Variants in SLIT2 observed in about 807,000 individuals in gnomAD.
The protein encoded by SLIT2 is slit homolog 2 protein.
Under a neutral mutation model 185.7 loss-of-function variants are expected in SLIT2, and 41 were observed. The ratio of observed to expected loss-of-function variants is 0.22; its 90% confidence interval spans 0.17 to 0.29. SLIT2 has a LOEUF of 0.29. Ranked by LOEUF, SLIT2 falls within the 10% of genes least tolerant of loss-of-function variation. The pLI, the probability that SLIT2 is intolerant of heterozygous loss-of-function variation, is 1.00. For missense variants in SLIT2, 1,571 were observed against 1,909.0 expected (o/e 0.82, Z 3.30); for synonymous variants, 693 against 680.2 (o/e 1.02, Z -0.29).
intron 4 of SLIT2, among the ~76,000 whole-genome samples, chr4:20,421,361 T>A (rs1184138694): frequency 6.6e-6 from 1 of 152,182 alleles, no homozygotes; most frequent in Non-Finnish European, 1.5e-5. Context: ...TTTAAAAATA[T>A]AAACTTTTCA....
At chr4:20,432,001 CTG>C (rs56154477) in intron 4 of SLIT2, among the ~76,000 whole-genome samples, 29 of 150,820 alleles carry the variant, frequency 1.9e-4, no homozygotes, top group South Asian at 1.5e-3. Context: ...CTCTCACTCT[CTG>C]TGTGTGTGTG....
intron 33 of SLIT2, among the ~76,000 whole-genome samples, chr4:20,607,019 T>C (rs1728843393): frequency 6.6e-6 from 1 of 152,196 alleles, no homozygotes; most frequent in South Asian, 2.1e-4. Flanking sequence ...TTCAGAACTG[T>C]TTAGCCACTA....
rs1306590356 is a variant in SLIT2 at position 20,595,843 on chromosome 4, A to G, written c.3320+9A>G. ...TGCCCCGAAGGTTACAGGTAAAAGC[A>G]GAAATGAATAAGACCTAGTGTTCAA... On this transcript the variant is annotated intron_variant, in intron 31 of 36. Coordinates refer to ENST00000504154, the MANE Select transcript of SLIT2 (RefSeq NM_004787.4). The G allele has an allele frequency of 5.6e-6, 9 of 1,612,488 alleles. No individual in the cohort carries two copies. Among genetic ancestry groups the G allele is most frequent in the Non-Finnish European group, 7.6e-6 (9 of 1,178,670 alleles).
At chr4:20,320,952 C>T (rs1719026811) in intron 4 of SLIT2, among the ~76,000 whole-genome samples, 2 of 152,048 alleles carry the variant, frequency 1.3e-5, no homozygotes, top group African/African-American at 4.8e-5. Context: ...TCACTTGAGG[C>T]CAGGAATTCA....
intron 33 of SLIT2, among the ~76,000 whole-genome samples, chr4:20,604,720 A>G (rs545725515): frequency 6.6e-6 from 1 of 152,234 alleles, no homozygotes; most frequent in East Asian, 1.9e-4. Flanking sequence ...TACTTTTAGT[A>G]TCACTCCCAC....
chr4:20,570,989 C>T (rs1217778289), intron 29 of SLIT2, among the ~76,000 whole-genome samples: 2 of 151,990 alleles, frequency 1.3e-5, no homozygotes, highest in Non-Finnish European at 2.9e-5. Flanking sequence ...ACCTGCTCCT[C>T]TTGAACACAT....
intron 4 of SLIT2, among the ~76,000 whole-genome samples, chr4:20,370,737 G>A (rs1723503993): frequency 6.6e-6 from 1 of 152,104 alleles, no homozygotes; most frequent in African/African-American, 2.4e-5. Context: ...GACTGATCTG[G>A]ATTCAAACAC....
At chr4:20,510,688 C>A in intron 10 of SLIT2, 122 bp downstream of exon 10, 2 of 613,324 alleles carry the variant, frequency 3.3e-6, no homozygotes, top group Admixed American at 2.8e-5. Context: ...AGTGATGTGA[C>A]TGTCTGATTA....
intron 4 of SLIT2, among the ~76,000 whole-genome samples, chr4:20,423,498 A>G (rs1051844956): frequency 1.3e-5 from 2 of 151,956 alleles, no homozygotes; most frequent in African/African-American, 4.8e-5. Flanking sequence ...TAACATGTTT[A>G]CACAAATTTG....
Position 20,548,547 on chromosome 4 carries a change from A to G in SLIT2, c.2405A>G (p.Gln802Arg). The part of the protein sequence containing the change: ...LSNQSFSNMT[Q>R]LLTLILSYNR... ...AATCAGAGCTTCAGCAACATGACCC[A>G]GCTCCTCACCTTGTGAGTGTGAAAG... The change falls in exon 23 of 37, where the codon CAG (glutamine) becomes CGG (arginine). Residue 802 changes from glutamine (Q) to arginine (R), a missense_variant. Coordinates refer to ENST00000504154, the MANE Select transcript of SLIT2 (RefSeq NM_004787.4). The G allele has an allele frequency of 6.2e-7, 1 of 1,601,348 alleles. No homozygotes were observed. Among genetic ancestry groups the G allele is most frequent in the Non-Finnish European group, 8.6e-7 (1 of 1,168,582 alleles).
At chr4:20,392,837 G>A (rs547376396) in intron 4 of SLIT2, among the ~76,000 whole-genome samples, 124 of 152,116 alleles carry the variant, frequency 8.2e-4, no homozygotes, top group African/African-American at 2.8e-3. Context: ...CACACAAAGA[G>A]CTGTCATCTA....
chr4:20,510,531 T>C lies in SLIT2; in HGVS notation c.951T>C (p.Pro317=). 2.5e-6 allele frequency: 4 copies of C among 1,611,202 alleles called. No homozygotes were observed. Among genetic ancestry groups the C allele is most frequent in the Non-Finnish European group, 3.4e-6 (4 of 1,177,816 alleles). ...AGAACACAATCAAAGTCATCCCTCC[T>C]GGAGCTTTCTCACCATATAAAAAGC... ...LEQNTIKVIP[P]GAFSPYKKLR... is the part of the protein sequence containing the mutation. The change falls in exon 10 of 37, where the codon CCT becomes CCC. Residue 317 remains proline (P), a synonymous_variant. Coordinates refer to ENST00000504154, the MANE Select transcript of SLIT2 (RefSeq NM_004787.4).
At chr4:20,353,532 AAAC>A (rs1213977998) in intron 4 of SLIT2, among the ~76,000 whole-genome samples, 2 of 152,160 alleles carry the variant, frequency 1.3e-5, no homozygotes, top group African/African-American at 4.8e-5. Flanking sequence ...TATTTAAAAA[AAAC>A]AAAAAGCGGT....
At chr4:20,570,131 C>T (rs1260249630) in intron 29 of SLIT2, among the ~76,000 whole-genome samples, 1 of 151,820 alleles carries the variant, frequency 6.6e-6, no homozygotes, top group Non-Finnish European at 1.5e-5. Flanking sequence ...TTTCTAGGGT[C>T]TTATTTTTAA....
intron 4 of SLIT2, among the ~76,000 whole-genome samples, chr4:20,397,870 G>A (rs1200612221): frequency 1.3e-5 from 2 of 151,734 alleles, no homozygotes; most frequent in South Asian, 2.1e-4. Context: ...ATGTGATCTA[G>A]AACTAACTTT....
At chr4:20,458,032 G>A (rs1028151346) in intron 4 of SLIT2, among the ~76,000 whole-genome samples, 2 of 148,392 alleles carry the variant, frequency 1.3e-5, no homozygotes, top group South Asian at 4.2e-4. Context: ...GTGGAATGGA[G>A]CCAAGGATTT....
intron 16 of SLIT2, among the ~76,000 whole-genome samples, chr4:20,531,526 G>C (rs2148861981): frequency 6.6e-6 from 1 of 152,254 alleles, no homozygotes; most frequent in Admixed American, 6.5e-5. Flanking sequence ...TAATGAAAAT[G>C]TTCTGGAATT....
At chr4:20,548,618 T>G in intron 23 of SLIT2, 59 bp downstream of exon 23, 23 of 977,558 alleles carry the variant, frequency 2.4e-5, no homozygotes, top group Non-Finnish European at 3.3e-5. Flanking sequence ...AGGCAGTCTC[T>G]AGATGCTGGA....
chr4:20,513,912 C>CA (rs1719968234), intron 11 of SLIT2, among the ~76,000 whole-genome samples: 1 of 152,008 alleles, frequency 6.6e-6, no homozygotes, highest in Non-Finnish European at 1.5e-5. Flanking sequence ...CAAGAATTAG[C>CA]AAAAAATATC....
Sources: gnomAD v4.1 joint callset for allele counts (sites outside exome capture counted in the v4.1 genomes callset) on GRCh38, gnomAD v4.1.1 for gene constraint, MANE v1.5 for transcripts, NCBI Gene and HGNC (gene_info 2026-07-23, HGNC 2026-07-21) for gene names.